Variants in SYNPO observed in about 807,000 individuals in gnomAD.
SYNPO encodes the protein synaptopodin.
In SYNPO, 19 loss-of-function variants were observed where a neutral mutation model predicts 49.5. The ratio of observed to expected loss-of-function variants is 0.38; its 90% CI spans 0.27 to 0.56. The LOEUF is 0.56. Ranked by LOEUF, SYNPO falls within the 20% of genes least tolerant of loss-of-function variation. The pLI is 0.68. For synonymous variants in SYNPO, 536 were observed against 548.0 expected, an observed-to-expected ratio of 0.98 and a Z score of 0.31; for missense variants, 1,131 against 1,248.3, an observed-to-expected ratio of 0.91 and a Z score of 1.42.
chr5:150,605,236 G>C (rs908970274), intron 1 of SYNPO, among the ~76,000 whole-genome samples: 1 of 152,130 alleles, frequency 6.6e-6, no homozygotes, highest in East Asian at 1.9e-4. Flanking sequence ...CTGAGCCCCA[G>C]GTGGGGCTCT....
the SYNPO span, among the ~76,000 whole-genome samples, chr5:150,587,842 G>A: frequency 6.6e-6 from 1 of 152,156 alleles, no homozygotes; most frequent in Non-Finnish European, 1.5e-5. Context: ...TCTCTTCTGA[G>A]GTTTCTGTGT....
Position 150,634,827 on chromosome 5 carries a change from AACACAC to A in SYNPO, c.401-13086_401-13081del, listed in dbSNP as rs202176402. 7.6e-3 allele frequency among the ~76,000 whole-genome samples: 948 copies of A among 124,744 alleles called. 9 individuals carry two copies. Among genetic ancestry groups the A allele is most frequent in the Admixed American group, 0.011 (138 of 12,188 alleles). 81.8% of individuals were successfully genotyped at this position (124,744 alleles called of 152,430 possible). ...GGTGACAGAGTGAGACCCTGTCTAA[AACACAC>A]ACACACACACACACACACACACACA... On this transcript the variant is annotated intron_variant, in intron 2 of 2. Coordinates refer to the SYNPO transcript ENST00000394243.
At chr5:150,639,786 A>G (rs1253464428), upstream of SYNPO, among the ~76,000 whole-genome samples, 1 of 152,240 alleles carries the variant, frequency 6.6e-6, no homozygotes. Flanking sequence ...GCAAGTGCCA[A>G]TGGAAGATGT....
intron 1 of SYNPO, among the ~76,000 whole-genome samples, chr5:150,616,593 G>A (rs559485310): frequency 6.6e-6 from 1 of 152,078 alleles, no homozygotes; most frequent in Non-Finnish European, 1.5e-5. Context: ...CTGTTCTCTA[G>A]ACCCCTATGT....
intron 2 of SYNPO, among the ~76,000 whole-genome samples, chr5:150,631,128 C>G (rs1757522027): frequency 6.6e-6 from 1 of 152,200 alleles, no homozygotes. Context: ...AGCAGTGTTT[C>G]ATGCATTTGC....
At chr5:150,606,622 G>A (rs571097017) in intron 1 of SYNPO, among the ~76,000 whole-genome samples, 56 of 152,326 alleles carry the variant, frequency 3.7e-4, no homozygotes, top group African/African-American at 1.3e-3. Context: ...ATATTGCCAT[G>A]CCCTGTGGAG....
rs112834974 is a variant in SYNPO at position 150,604,728 on chromosome 5, C to T, written c.-266+3540C>T. Among the ~76,000 whole-genome samples, 89 of 152,092 alleles carry T rather than the reference C, an allele frequency of 5.9e-4. 1 individual carries two copies. The highest frequency in any genetic ancestry group is 1.9e-3 in the African/African-American group (80 of 41,352). On this transcript the variant is annotated intron_variant, in intron 1 of 2. Transcript: ENST00000394243. ...TAAAATGGATTGTCGTGAAAATTCA[C>T]GAGGTGGCGGCACAGAAGCCCTGGC... is the stretch of plus-strand genomic sequence containing the variant.
chr5:150,640,084 G>A (rs368849291), upstream of SYNPO: 13 of 973,502 alleles, frequency 1.3e-5, no homozygotes, highest in East Asian at 6.8e-4. Flanking sequence ...GGCCTCATGG[G>A]TTGCTGTGGA....
intron 2 of SYNPO, among the ~76,000 whole-genome samples, chr5:150,623,403 C>T (rs1581472060): frequency 6.6e-6 from 1 of 152,156 alleles, no homozygotes; most frequent in African/African-American, 2.4e-5. Flanking sequence ...TCCTCTCACC[C>T]ACACACAGCT....
upstream of SYNPO, chr5:150,639,946 T>C (rs1482583771): frequency 6.0e-6 from 1 of 165,660 alleles, no homozygotes; most frequent in East Asian, 1.9e-4. Context: ...TGACTGGCCC[T>C]GCACTGGGCA....
intron 1 of SYNPO, among the ~76,000 whole-genome samples, chr5:150,605,626 A>T (rs1756670839): frequency 6.6e-6 from 1 of 152,086 alleles, no homozygotes; most frequent in African/African-American, 2.4e-5. Flanking sequence ...AGAGGAAGAA[A>T]GCAAACAGAG....
rs776320849 is a variant in SYNPO, at chr5:150,649,491, C to T, written c.1216C>T (p.Arg406Trp). 5.6e-6 allele frequency: 9 copies of T among 1,613,552 alleles called. No individual in the cohort carries two copies. Among genetic ancestry groups the T allele is most frequent in the South Asian group, 1.1e-5 (1 of 91,054 alleles). The change falls in exon 2 of 3, where the codon CGG (arginine) becomes TGG (tryptophan). Residue 406 changes from arginine (R) to tryptophan (W), a missense_variant. By Grantham distance (101) the Arg-to-Trp change is moderately radical. Coordinates refer to ENST00000307662, the MANE Select transcript of SYNPO (RefSeq NM_007286.6). ...TCTGGTACAGACAGCGGATGAGAAG[C>T]GGCGGCAGAGGGACCAGGGGGAGGT... ...LDLVQTADEK[R>W]RQRDQGEVGV...
chr5:150,621,702 C>G (rs549011441), intron 2 of SYNPO, among the ~76,000 whole-genome samples: 3 of 152,322 alleles, frequency 2.0e-5, no homozygotes, highest in South Asian at 4.1e-4. Flanking sequence ...TTGGGCACTG[C>G]AGATACCTTT....
intron 1 of SYNPO, among the ~76,000 whole-genome samples, chr5:150,641,850 G>A (rs1406735571): frequency 2.0e-5 from 3 of 152,204 alleles, no homozygotes; most frequent in Non-Finnish European, 4.4e-5. Context: ...TTGCTGAGGG[G>A]CATTGATCAC....
chr5:150,648,145 T>G lies in SYNPO; in HGVS notation c.-131T>G, dbSNP rs746751488. The G allele has an allele frequency of 4.5e-6, 7 of 1,553,528 alleles. No individual in the cohort carries two copies. Among genetic ancestry groups the G allele is most frequent in the Non-Finnish European group, 6.1e-6 (7 of 1,147,992 alleles). On this transcript the variant is annotated 5_prime_UTR_variant, in exon 2 of 3. Coordinates refer to ENST00000307662, the MANE Select transcript of SYNPO (RefSeq NM_007286.6). The surrounding 1 kb of genome is among the most constrained non-coding windows in gnomAD (Gnocchi z 5.0). ...GGACAGAAGCCCAGCCAGGAGTCCC[T>G]CAGAGTGCTCCCTTCAAGCCTCCCA...
the SYNPO span, among the ~76,000 whole-genome samples, chr5:150,591,501 A>G: frequency 1.3e-5 from 2 of 152,376 alleles, no homozygotes; most frequent in South Asian, 2.1e-4. Flanking sequence ...GGGAAAGGGC[A>G]GAAGCGCCGT....
intron 1 of SYNPO, among the ~76,000 whole-genome samples, chr5:150,643,596 G>A (rs935312173): frequency 2.6e-5 from 4 of 152,152 alleles, no homozygotes; most frequent in African/African-American, 7.2e-5. Flanking sequence ...GTGCAGTGGC[G>A]TGATCTCGGC....
the SYNPO span, among the ~76,000 whole-genome samples, chr5:150,587,641 CAT>C: frequency 6.6e-6 from 1 of 152,146 alleles, no homozygotes; most frequent in African/African-American, 2.4e-5. Context: ...TAAAATAAAA[CAT>C]AGCATTATAA....
the SYNPO span, among the ~76,000 whole-genome samples, chr5:150,593,318 G>A: frequency 6.6e-6 from 1 of 152,180 alleles, no homozygotes; most frequent in African/African-American, 2.4e-5. Context: ...TGGATGCTGA[G>A]TCTGCAGGAG....
Sources: allele counts gnomAD v4.1 joint callset (sites outside exome capture counted in the v4.1 genomes callset), GRCh38; gene constraint gnomAD v4.1.1; non-coding constraint Gnocchi (gnomAD v3.1); transcripts MANE v1.5; gene names NCBI Gene and HGNC (gene_info 2026-07-23, HGNC 2026-07-21).